Variants in GRIN2A observed in about 807,000 individuals in gnomAD.
GRIN2A encodes the protein glutamate receptor ionotropic, NMDA 2A.
Under a neutral mutation model 113.4 loss-of-function variants are expected in GRIN2A, and 22 were observed. The observed-to-expected ratio is 0.19, with a 90% CI of 0.14 to 0.28. The LOEUF is 0.28. Ranked by LOEUF, GRIN2A falls within the 10% of genes least tolerant of loss-of-function variation. GRIN2A has a pLI of 1.00. For missense variants in GRIN2A, 1,502 were observed against 1,887.0 expected (o/e 0.80, Z 3.78); for synonymous variants, 827 against 738.4 (o/e 1.12, Z -1.94).
chr16:9,952,550 A>T (rs895228231), intron 2 of GRIN2A, among the ~76,000 whole-genome samples: 1 of 152,210 alleles, frequency 6.6e-6, no homozygotes, highest in Non-Finnish European at 1.5e-5. Flanking sequence ...GCTCACAATG[A>T]GAAATACCTT....
chr16:9,854,123 A>T (rs941628594), intron 4 of GRIN2A, among the ~76,000 whole-genome samples: 1 of 152,130 alleles, frequency 6.6e-6, no homozygotes, highest in Non-Finnish European at 1.5e-5. Flanking sequence ...TTTTTGGTGG[A>T]GTGAATAAAC....
At chr16:9,920,602 C>T (rs1596589942) in intron 3 of GRIN2A, among the ~76,000 whole-genome samples, 1 of 148,478 alleles carries the variant, frequency 6.7e-6, no homozygotes, top group East Asian at 1.9e-4. Flanking sequence ...CTTGCTTGCT[C>T]TGTCACCAAG....
chr16:9,886,850 G>C (rs2043595532), intron 4 of GRIN2A, among the ~76,000 whole-genome samples: 2 of 152,178 alleles, frequency 1.3e-5, no homozygotes, highest in Non-Finnish European at 2.9e-5. Flanking sequence ...AAAACTGTTA[G>C]TTAATTGTGC....
At position 10,165,509 on chromosome 16, in the gene GRIN2A, T is replaced by C. The variant is rs1485992723; in HGVS notation, c.414+14489A>G. Among the ~76,000 whole-genome samples the C allele has an allele frequency of 3.2e-5, 4 of 125,646 alleles. No homozygotes were observed. In the East Asian group the frequency reaches 1.2e-3, roughly 36 times the overall value. 82.4% of individuals were successfully genotyped at this position (125,646 alleles called of 152,430 possible). Reference sequence around the variant, plus strand: ...AGTTCTTATATTTTTGATATATATATACATATATATATATATATGTATATA... The same window carrying C: ...AGTTCTTATATTTTTGATATATATACACATATATATATATATATGTATATA... On this transcript the variant is annotated intron_variant, in intron 2 of 12. Coordinates refer to ENST00000330684, the MANE Select transcript of GRIN2A (RefSeq NM_001134407.3).
rs902839552 is a variant in GRIN2A, at chr16:9,946,802, C to A, written c.415-8251G>T. Among the ~76,000 whole-genome samples the A allele has an allele frequency of 2.6e-5, 4 of 152,146 alleles. No homozygotes were observed. The East Asian group carries it at 7.7e-4, about 29-fold the overall frequency. ...TCTACCAGAATTTCTGGCAGCCACC[C>A]AACCACTATATACCATCCTAAGAAG... is the stretch of plus-strand genomic sequence containing the variant. On this transcript the variant is annotated intron_variant, in intron 2 of 12. Transcript: ENST00000330684.
At chr16:10,072,109 T>C (rs1211252462) in intron 2 of GRIN2A, among the ~76,000 whole-genome samples, 5 of 152,176 alleles carry the variant, frequency 3.3e-5, no homozygotes, top group Admixed American at 6.5e-5. Flanking sequence ...GAAACATCCA[T>C]AGCTCCTTCA....
intron 2 of GRIN2A, among the ~76,000 whole-genome samples, chr16:10,065,849 G>T (rs2047638781): frequency 6.6e-6 from 1 of 152,066 alleles, no homozygotes; most frequent in African/African-American, 2.4e-5. Context: ...AACATTGGGA[G>T]GGGGGGCGCT....
chr16:9,951,420 C>T (rs549167941), intron 2 of GRIN2A, among the ~76,000 whole-genome samples: 9 of 152,332 alleles, frequency 5.9e-5, no homozygotes, highest in East Asian at 1.9e-4. Context: ...AACAGAGCAA[C>T]GCTAAATTCT....
chr16:9,802,690 T>C (rs1348169452), intron 10 of GRIN2A, among the ~76,000 whole-genome samples: 4 of 152,190 alleles, frequency 2.6e-5, no homozygotes, highest in Non-Finnish European at 5.9e-5. Context: ...TTCCAGACTT[T>C]ATATTATAAA....
At chr16:9,999,888 T>C (rs912324610) in intron 2 of GRIN2A, among the ~76,000 whole-genome samples, 1 of 152,188 alleles carries the variant, frequency 6.6e-6, no homozygotes, top group African/African-American at 2.4e-5. Context: ...TCTGCAATTC[T>C]GAGGTCATAA....
chr16:9,790,756 A>G (rs1410329676), intron 11 of GRIN2A, among the ~76,000 whole-genome samples: 1 of 152,178 alleles, frequency 6.6e-6, no homozygotes, highest in Non-Finnish European at 1.5e-5. Context: ...TTCATTAAAG[A>G]AGGTATTAAA....
intron 2 of GRIN2A, among the ~76,000 whole-genome samples, chr16:10,012,911 C>G (rs1054758033): frequency 6.6e-6 from 1 of 152,102 alleles, no homozygotes. Flanking sequence ...AGTAAGTTTG[C>G]GGTAATTTAT....
intron 4 of GRIN2A, 61 bp downstream of exon 4, chr16:9,890,925 G>A (rs1432023378): frequency 4.0e-6 from 4 of 1,001,176 alleles, no homozygotes; most frequent in African/African-American, 1.6e-5. Context: ...AGCACTGTGA[G>A]CCCCTTTATT....
At chr16:10,154,144 G>C (rs901393877) in intron 2 of GRIN2A, among the ~76,000 whole-genome samples, 5 of 152,148 alleles carry the variant, frequency 3.3e-5, no homozygotes, top group African/African-American at 1.2e-4. Flanking sequence ...TTAAGAGCCA[G>C]CGTATGACTC....
chr16:10,001,255 G>C (rs962829207), intron 2 of GRIN2A, among the ~76,000 whole-genome samples: 10 of 152,124 alleles, frequency 6.6e-5, no homozygotes, highest in African/African-American at 2.4e-4. Context: ...AGAAGAAATG[G>C]CACCAATATT....
At chr16:10,159,653 G>A (rs1266337114) in intron 2 of GRIN2A, among the ~76,000 whole-genome samples, 2 of 152,124 alleles carry the variant, frequency 1.3e-5, no homozygotes, top group Admixed American at 1.3e-4. Context: ...GGAAAGGTAA[G>A]GTCCAGAAGG....
chr16:9,784,453 A>AAAAC (rs71157784), intron 11 of GRIN2A, among the ~76,000 whole-genome samples: 1 of 149,170 alleles, frequency 6.7e-6, no homozygotes, highest in Admixed American at 6.6e-5. Flanking sequence ...AAAAAAAAAA[A>AAAAC]CAAACAAACA....
intron 1 of GRIN2A, among the ~76,000 whole-genome samples, chr16:10,181,128 G>T (rs1211583657): frequency 6.6e-6 from 1 of 152,218 alleles, no homozygotes; most frequent in African/African-American, 2.4e-5. Context: ...GGAACTTGGG[G>T]CTCGCCCCAC....
intron 2 of GRIN2A, among the ~76,000 whole-genome samples, chr16:9,944,065 G>A (rs1248258390): frequency 2.0e-5 from 3 of 152,064 alleles, no homozygotes; most frequent in Non-Finnish European, 4.4e-5. Flanking sequence ...GAGAGAATTG[G>A]TCACTATTGT....
Sources: gnomAD v4.1 joint callset for allele counts (sites outside exome capture counted in the v4.1 genomes callset) on GRCh38, gnomAD v4.1.1 for gene constraint, MANE v1.5 for transcripts, NCBI Gene and HGNC (gene_info 2026-07-23, HGNC 2026-07-21) for gene names.